The following UBR2 variants were observed in gnomAD, a reference collection of about 807,000 sequenced individuals.
The protein encoded by UBR2 is E3 ubiquitin-protein ligase UBR2.
In UBR2, 92 loss-of-function variants were observed where a neutral mutation model predicts 247.9. The ratio of observed to expected loss-of-function variants is 0.37; its 90% confidence interval spans 0.31 to 0.44. The LOEUF (loss-of-function observed/expected upper bound fraction) is 0.44, where lower values mean the gene tolerates loss of function less well. Ranked by LOEUF, UBR2 falls within the 20% of genes least tolerant of loss-of-function variation. The pLI is 1.00. For synonymous variants in UBR2, 672 were observed against 693.5 expected, an observed-to-expected ratio of 0.97 and a Z score of 0.49; for missense variants, 1,613 against 2,112.6, an observed-to-expected ratio of 0.76 and a Z score of 4.64.
intron 29 of UBR2, 108 bp downstream of exon 29, chr6:42,658,932 T>A: frequency 8.3e-7 from 1 of 1,204,522 alleles, no homozygotes; most frequent in Non-Finnish European, 1.1e-6. Context: ...AGTAATTTAG[T>A]AGAATTCATA....
intron 34 of UBR2, among the ~76,000 whole-genome samples, chr6:42,668,005 C>G (rs1338979773): frequency 6.6e-6 from 1 of 151,798 alleles, no homozygotes; most frequent in Non-Finnish European, 1.5e-5. Context: ...GTGATCCACC[C>G]GCCTCAGCCT....
At chr6:42,586,538 C>CTTTTTTTTTTTTTTTTTTTTTTTTTTT (rs147830824) in intron 2 of UBR2, among the ~76,000 whole-genome samples, 2 of 97,254 alleles carry the variant, frequency 2.1e-5, no homozygotes, top group African/African-American at 4.3e-5. Flanking sequence ...GTTTGTCTCT[C>CTTTTTTTTTTTTTTTTTTTTTTTTTTT]TTTTTTTTTT....
rs147308539 is a variant in UBR2, at chr6:42,576,371, G to A, written c.338+2378G>A. Among the ~76,000 whole-genome samples the A allele has an allele frequency of 6.5e-4, 99 of 152,142 alleles. 2 individuals carry two copies. The East Asian group carries it at 0.018, about 28-fold the overall frequency. ...TTCCTTCTCTGACAAGAGAAAACCTGATTCTCATTTTCCTCAAAATATTTG... is the reference window on the plus strand; with the variant it reads ...TTCCTTCTCTGACAAGAGAAAACCTAATTCTCATTTTCCTCAAAATATTTG... On this transcript the variant is annotated intron_variant, in intron 2 of 46. Transcript: ENST00000372901.
intron 2 of UBR2, among the ~76,000 whole-genome samples, chr6:42,586,579 CCTAA>C (rs1438610213): frequency 2.4e-5 from 2 of 83,372 alleles, no homozygotes; most frequent in Admixed American, 2.8e-4. Context: ...TCCTAATTTT[CCTAA>C]CTGTGTGCTG....
intron 23 of UBR2, among the ~76,000 whole-genome samples, chr6:42,650,958 G>A (rs1054185749): frequency 6.6e-6 from 1 of 151,782 alleles, no homozygotes; most frequent in African/African-American, 2.4e-5. Context: ...CTTTTTGGTG[G>A]GGCATGTAAT....
chr6:42,606,794 A>G (rs1476912835), intron 7 of UBR2, 143 bp downstream of exon 7: 6 of 651,604 alleles, frequency 9.2e-6, no homozygotes, highest in African/African-American at 1.9e-5. Context: ...TAAATATTGC[A>G]TTATTGTTTT....
intron 2 of UBR2, 60 bp downstream of exon 2, chr6:42,574,053 C>A: frequency 6.9e-7 from 1 of 1,444,058 alleles, no homozygotes; most frequent in Non-Finnish European, 9.1e-7. Context: ...CTTTTTTTCC[C>A]TGGAACTTTT....
chr6:42,636,086 A>G (rs2151953727), intron 14 of UBR2, among the ~76,000 whole-genome samples: 1 of 152,200 alleles, frequency 6.6e-6, no homozygotes, highest in Middle Eastern at 3.4e-3. Context: ...CCTAGGAGCT[A>G]TAGAAAGGTC....
chr6:42,622,840 ATTT>A (rs60224579), intron 11 of UBR2, among the ~76,000 whole-genome samples: 1 of 145,664 alleles, frequency 6.9e-6, no homozygotes, highest in Non-Finnish European at 1.5e-5. Context: ...TGGTTTATAG[ATTT>A]TTTTTTTTTT....
intron 11 of UBR2, among the ~76,000 whole-genome samples, chr6:42,632,306 T>C (rs1332439803): frequency 6.6e-6 from 1 of 152,054 alleles, no homozygotes; most frequent in African/African-American, 2.4e-5. Flanking sequence ...CTTTGAGTAA[T>C]GAGCCTTGGA....
rs1482376639 is a variant in UBR2, at chr6:42,679,760, A to G, written c.4646A>G (p.Tyr1549Cys). The part of the protein sequence containing the change: ...GTSHFEHLCS[Y>C]LSLPNNLICL... ...AGCCATTTTGAACATTTATGTAGCT[A>G]TCTTTCCCTACCAAACAACCTCATT... The change falls in exon 42 of 47, where the codon TAT becomes TGT. Residue 1549 changes from tyrosine to cysteine, a missense_variant. Transcript: ENST00000372901. The G allele has an allele frequency of 3.7e-6, 6 of 1,613,398 alleles. No homozygotes were observed. The highest frequency in any genetic ancestry group is 4.2e-6 in the Non-Finnish European group (5 of 1,179,818).
Position 42,620,481 on chromosome 6 carries a change from G to GTTTTTTTTT in UBR2, c.1281+2978_1281+2986dup, listed in dbSNP as rs796314344. On this transcript the variant is annotated intron_variant, in intron 11 of 46. Coordinates refer to ENST00000372901, the MANE Select transcript of UBR2 (RefSeq NM_001363705.2). Reference sequence around the variant, plus strand: ...GTTTACTTCCTGAATATTAAGTGTTGTTTTTTTTTTTTGTTTTTGTTTTTG... The same window carrying GTTTTTTTTT: ...GTTTACTTCCTGAATATTAAGTGTTGTTTTTTTTTTTTTTTTTTTTTGTTTTTGTTTTTG... 2.2e-4 allele frequency: 15 copies of GTTTTTTTTT among 66,678 alleles called. 1 individual carries two copies. Among genetic ancestry groups the GTTTTTTTTT allele is most frequent in the African/African-American group, 5.6e-4 (15 of 26,852 alleles). The allele number at this position is 66,678 out of a possible 1,614,324, so 4.1% of individuals were successfully genotyped here. A position where few individuals can be genotyped will look rare whatever the true frequency, so the allele number is the denominator to read the frequency against.
intron 40 of UBR2, among the ~76,000 whole-genome samples, chr6:42,677,434 C>T (rs1291488748): frequency 1.3e-5 from 2 of 152,080 alleles, no homozygotes; most frequent in Non-Finnish European, 2.9e-5. Context: ...TGAGAACCTA[C>T]ATTAACAAAA....
intron 11 of UBR2, among the ~76,000 whole-genome samples, chr6:42,629,482 T>C (rs112456102): frequency 0.015 from 2,247 of 152,114 alleles, 42 homozygotes; most frequent in African/African-American, 0.053. Context: ...GGTGAAACCC[T>C]GTCTCTACTA....
intron 43 of UBR2, among the ~76,000 whole-genome samples, chr6:42,684,133 A>G (rs775574362): frequency 2.6e-5 from 4 of 152,242 alleles, no homozygotes; most frequent in African/African-American, 4.8e-5. Context: ...ATGGAACAGT[A>G]ATCCTCAACT....
At chr6:42,682,014 C>T (rs1359019015) in intron 42 of UBR2, among the ~76,000 whole-genome samples, 1 of 152,136 alleles carries the variant, frequency 6.6e-6, no homozygotes, top group Non-Finnish European at 1.5e-5. Flanking sequence ...GCGGAGGTTG[C>T]AGTGAGCCAA....
intron 1 of UBR2, among the ~76,000 whole-genome samples, chr6:42,571,923 T>G (rs1455991889): frequency 1.3e-5 from 2 of 152,126 alleles, no homozygotes; most frequent in African/African-American, 2.4e-5. Flanking sequence ...AAACTTGTCC[T>G]CTTTATAATT....
chr6:42,598,331 C>T (rs1250608957), intron 4 of UBR2, among the ~76,000 whole-genome samples: 3 of 152,244 alleles, frequency 2.0e-5, no homozygotes, highest in East Asian at 3.9e-4. Context: ...TAAATTTTAA[C>T]GTAGTATTTG....
rs1562368226 is a variant in UBR2, at chr6:42,658,108, A to AGGT, written c.2957_2958insGGT (p.Lys986_Asp987insVal). On this transcript the variant is annotated inframe_insertion, in exon 27 of 47. Coordinates refer to ENST00000372901, the MANE Select transcript of UBR2 (RefSeq NM_001363705.2). ...AATGCTCCCTACCTAGAAGTCCACA[A>AGGT]AGACATGATTCGGTGGATATTGAAG... The AGGT allele has an allele frequency of 6.2e-7, 1 of 1,614,110 alleles. No homozygotes were observed. The highest frequency in any genetic ancestry group is 8.5e-7 in the Non-Finnish European group (1 of 1,179,990).
Sources: gnomAD v4.1 joint callset for allele counts (sites outside exome capture counted in the v4.1 genomes callset) on GRCh38, gnomAD v4.1.1 for gene constraint, MANE v1.5 for transcripts, NCBI Gene and HGNC (gene_info 2026-07-23, HGNC 2026-07-21) for gene names.